CTBP2: variants seen among roughly 807,000 people sequenced by gnomAD.
CTBP2 encodes the protein C-terminal-binding protein 2.
In CTBP2, 30 loss-of-function variants were observed where a neutral mutation model predicts 80.3. The ratio of observed to expected loss-of-function variants is 0.37; its 90% CI spans 0.28 to 0.51. The LOEUF (loss-of-function observed/expected upper bound fraction) is 0.51. CTBP2 is among the 20% of genes least tolerant of loss of function. CTBP2 has a pLI of 0.93. For synonymous variants in CTBP2, 594 were observed against 587.4 expected (o/e 1.01, Z -0.16); for missense variants, 1,212 against 1,375.3 (o/e 0.88, Z 1.88).
intron 2 of CTBP2, among the ~76,000 whole-genome samples, chr10:125,062,204 G>A (rs948818035): frequency 6.6e-6 from 1 of 152,134 alleles, no homozygotes. Context: ...GTCCAGCCTC[G>A]GTTCTGGACT....
At chr10:125,005,617 G>A (rs1955137694) in intron 1 of CTBP2, 6 of 1,612,784 alleles carry the variant, frequency 3.7e-6, no homozygotes, top group African/African-American at 1.3e-5. Context: ...GCTCATCCGC[G>A]AGATCCGCAA....
chr10:125,152,478 AAGG>A (rs1860170676), intron 1 of CTBP2, among the ~76,000 whole-genome samples: 2 of 152,232 alleles, frequency 1.3e-5, no homozygotes, highest in Non-Finnish European at 2.9e-5. Context: ...TCACAGGAAC[AAGG>A]AGGAAAAACA....
chr10:125,086,417 C>G (rs1847975415), intron 2 of CTBP2, among the ~76,000 whole-genome samples: 1 of 151,886 alleles, frequency 6.6e-6, no homozygotes, highest in Admixed American at 6.6e-5. Context: ...TCCAGCAATC[C>G]CTGTAATCTC....
At chr10:125,006,022 C>T (rs969256974) in intron 1 of CTBP2, 8 of 1,416,594 alleles carry the variant, frequency 5.6e-6, no homozygotes, top group Non-Finnish European at 7.3e-6. Flanking sequence ...ACAAGATGTC[C>T]ATCCGCAGCA....
At chr10:125,063,782 A>G (rs543692906) in intron 2 of CTBP2, among the ~76,000 whole-genome samples, 1 of 152,356 alleles carries the variant, frequency 6.6e-6, no homozygotes, top group African/African-American at 2.4e-5. Flanking sequence ...CAAAGTAAAC[A>G]AAAGCATTAA....
chr10:125,036,476 T>C (rs1958878676), intron 3 of CTBP2, among the ~76,000 whole-genome samples: 1 of 150,204 alleles, frequency 6.7e-6, no homozygotes, highest in African/African-American at 2.5e-5. Context: ...CAGCAGAACA[T>C]GGCAGCTTCA....
intron 1 of CTBP2, among the ~76,000 whole-genome samples, chr10:125,010,658 C>G (rs1483731541): frequency 6.6e-6 from 1 of 152,186 alleles, no homozygotes; most frequent in Non-Finnish European, 1.5e-5. Flanking sequence ...GAAGACCTGG[C>G]CCAGCTGAAA....
intron 1 of CTBP2, among the ~76,000 whole-genome samples, chr10:125,128,900 T>G (rs1414632736): frequency 2.0e-5 from 3 of 152,148 alleles, no homozygotes; most frequent in Non-Finnish European, 4.4e-5. Flanking sequence ...ACAGCCCAAG[T>G]GTCCATTAAT....
chr10:125,068,531 G>C (rs1232353216), intron 2 of CTBP2, among the ~76,000 whole-genome samples: 1 of 152,222 alleles, frequency 6.6e-6, no homozygotes, highest in Non-Finnish European at 1.5e-5. Context: ...ACAGGTTTCA[G>C]GGCAGCAGGA....
chr10:125,070,855 G>A (rs1845367529), intron 2 of CTBP2, among the ~76,000 whole-genome samples: 1 of 152,060 alleles, frequency 6.6e-6, no homozygotes, highest in Admixed American at 6.5e-5. Flanking sequence ...AGTAGAGGCA[G>A]GATTTCACGT....
intron 2 of CTBP2, among the ~76,000 whole-genome samples, chr10:125,107,336 G>A (rs1184174173): frequency 1.3e-5 from 2 of 152,172 alleles, no homozygotes; most frequent in African/African-American, 2.4e-5. Context: ...AGGATCACAC[G>A]GCCCTAGCAA....
chr10:125,067,093 C>T (rs1564840039), intron 2 of CTBP2, among the ~76,000 whole-genome samples: 1 of 152,188 alleles, frequency 6.6e-6, no homozygotes, highest in African/African-American at 2.4e-5. Context: ...AAGGCTTACA[C>T]TTTTTTCTTT....
At chr10:125,031,535 CT>C (rs1328675751), upstream of CTBP2, among the ~76,000 whole-genome samples, 1 of 150,988 alleles carries the variant, frequency 6.6e-6, no homozygotes, top group Non-Finnish European at 1.5e-5. Flanking sequence ...CATCAACCCC[CT>C]ACCCCCTGCC....
chr10:125,091,939 T>C (rs1848822582), intron 2 of CTBP2, among the ~76,000 whole-genome samples: 1 of 152,194 alleles, frequency 6.6e-6, no homozygotes, highest in African/African-American at 2.4e-5. Context: ...TCATAAATGT[T>C]CAACATTTGA....
chr10:125,027,143 G>A lies in CTBP2; in HGVS notation c.617C>T (p.Pro206Leu). Residue 206 changes from proline (P) to leucine (L), a missense_variant, in exon 1 of 9, where the codon CCC becomes CTC. Pro to Leu is a moderately conservative substitution (Grantham distance 98). This residue lies in a region of CTBP2 where 848 missense variants were observed against 782.3 expected (regional missense o/e 1.08). Transcript: ENST00000309035. ...GATGTCGCTGAAGACCTGGCTGAGG[G>A]GGTAGGCAGGCACCTCCGCCCCATA... The A allele has an allele frequency of 3.1e-6, 5 of 1,604,536 alleles. No homozygotes were observed. The highest frequency in any genetic ancestry group is 4.3e-6 in the Non-Finnish European group (5 of 1,173,328).
intron 6 of CTBP2, among the ~76,000 whole-genome samples, chr10:124,993,627 C>G (rs1953028559): frequency 6.6e-6 from 1 of 152,224 alleles, no homozygotes; most frequent in Non-Finnish European, 1.5e-5. Flanking sequence ...CTGCCACACC[C>G]CCACCAATTT....
intron 2 of CTBP2, among the ~76,000 whole-genome samples, chr10:125,067,093 CTT>C (rs1554898649): frequency 1.3e-5 from 2 of 152,188 alleles, no homozygotes; most frequent in Non-Finnish European, 2.9e-5. Flanking sequence ...AAGGCTTACA[CTT>C]TTTTCTTTCA....
At chr10:125,129,203 CAGT>C (rs755562912) in intron 1 of CTBP2, among the ~76,000 whole-genome samples, 2 of 152,078 alleles carry the variant, frequency 1.3e-5, no homozygotes, top group Non-Finnish European at 1.5e-5. Context: ...GAAACCAAAA[CAGT>C]GGTGGCCTGA....
At chr10:125,022,644 C>G (rs1228140308) in intron 1 of CTBP2, among the ~76,000 whole-genome samples, 1 of 152,244 alleles carries the variant, frequency 6.6e-6, no homozygotes, top group Admixed American at 6.5e-5. Context: ...GGTTTCCTTG[C>G]TCCCTTACAA....
Sources: gnomAD v4.1 joint callset for allele counts (sites outside exome capture counted in the v4.1 genomes callset) on GRCh38, gnomAD v4.1.1 for gene constraint, gnomAD v4.1.1 regional missense constraint, MANE v1.5 for transcripts, NCBI Gene and HGNC (gene_info 2026-07-23, HGNC 2026-07-21) for gene names.